Variants in SYCE1 observed in about 807,000 individuals in gnomAD.
SYCE1 encodes the protein cancer/testis antigen 76.
Under a neutral mutation model 55.1 loss-of-function variants are expected in SYCE1, and 37 were observed. That is an observed-to-expected ratio of 0.67 (90% CI 0.52 to 0.88). SYCE1 has a LOEUF of 0.88. SYCE1 is among the 40% of genes least tolerant of loss of function. The probability of loss-of-function intolerance (pLI) is 0.00; values close to 1 mark genes in which losing one functional copy is unlikely to be tolerated. For missense variants in SYCE1, 399 were observed against 416.4 expected (o/e 0.96, Z 0.36); for synonymous variants, 163 against 159.4 (o/e 1.02, Z -0.17).
chr10:133,562,884 A>G (rs1485333216), intron 1 of SYCE1, among the ~76,000 whole-genome samples: 1 of 152,224 alleles, frequency 6.6e-6, no homozygotes, highest in Non-Finnish European at 1.5e-5. Context: ...CTGTGATCCA[A>G]CCACCTCCCA....
At chr10:133,567,394 G>C (rs914358747), upstream of SYCE1, among the ~76,000 whole-genome samples, 1 of 151,696 alleles carries the variant, frequency 6.6e-6, no homozygotes, top group Middle Eastern at 3.4e-3. Context: ...TTTTGCGTTA[G>C]TGGTTAGGGT....
chr10:133,558,649 G>A (rs1003605501), intron 4 of SYCE1: 23 of 562,716 alleles, frequency 4.1e-5, no homozygotes, highest in African/African-American at 3.4e-4. Context: ...TGTATTATCT[G>A]AGGAAGCACA....
intron 1 of SYCE1, chr10:133,561,020 G>A (rs184713843): frequency 6.6e-6 from 1 of 152,094 alleles, no homozygotes; most frequent in Non-Finnish European, 1.5e-5. Flanking sequence ...TCATTGCTTT[G>A]AGTTGTCCCA....
chr10:133,567,285 G>T (rs997887748), upstream of SYCE1, among the ~76,000 whole-genome samples: 1 of 151,676 alleles, frequency 6.6e-6, no homozygotes, highest in South Asian at 2.1e-4. Flanking sequence ...AGGGCTTAGG[G>T]TTATGGGTTA....
chr10:133,563,070 G>A (rs961056565), intron 1 of SYCE1, among the ~76,000 whole-genome samples: 2 of 152,238 alleles, frequency 1.3e-5, no homozygotes, highest in African/African-American at 4.8e-5. Flanking sequence ...TTACACTGAT[G>A]TATACAAGAT....
upstream of SYCE1, chr10:133,567,925 C>T (rs539338725): frequency 6.5e-5 from 35 of 539,264 alleles, no homozygotes; most frequent in East Asian, 1.4e-3. Flanking sequence ...GATGGCGAGG[C>T]AGCATGGGCA....
upstream of SYCE1, chr10:133,567,894 G>A: frequency 2.0e-6 from 1 of 501,580 alleles, no homozygotes; most frequent in Non-Finnish European, 3.9e-6. Flanking sequence ...GGGAGGCTGA[G>A]GCGGCGTGGG....
chr10:133,554,273 G>C (rs781156564), downstream of SYCE1: 1 of 1,612,782 alleles, frequency 6.2e-7, no homozygotes, highest in East Asian at 2.2e-5. Context: ...ACAGTGCTCT[G>C]CAGTGAGCCT....
At chr10:133,566,450 G>A (rs181642385), upstream of SYCE1, among the ~76,000 whole-genome samples, 683 of 149,118 alleles carry the variant, frequency 4.6e-3, 7 homozygotes, top group Non-Finnish European at 3.8e-3. Flanking sequence ...TTAGGGTTTA[G>A]GGGTTAGAAG....
upstream of SYCE1, chr10:133,568,160 G>A (rs1336281335): frequency 6.4e-5 from 58 of 907,404 alleles, no homozygotes; most frequent in Admixed American, 3.6e-4. Flanking sequence ...CAGGCCGCCC[G>A]TGGGTCCAGC....
intron 6 of SYCE1, chr10:133,557,531 G>C (rs1589966391): frequency 1.2e-5 from 6 of 494,912 alleles, no homozygotes; most frequent in South Asian, 1.0e-4. Context: ...TGAATGGAGA[G>C]AGAATGGACA....
chr10:133,566,368 AAGGTTACCTT>A (rs545319221), upstream of SYCE1, among the ~76,000 whole-genome samples: 379 of 152,218 alleles, frequency 2.5e-3, no homozygotes, highest in Non-Finnish European at 4.2e-3. Flanking sequence ...TAACCTATAA[AAGGTTACCTT>A]AGGGTTTAGG....
At chr10:133,559,276 T>C (rs779516765) in intron 3 of SYCE1, 25 bp downstream of exon 3, 2 of 1,613,444 alleles carry the variant, frequency 1.2e-6, no homozygotes, top group Admixed American at 3.3e-5. Context: ...TGGTCCTAGC[T>C]GGCAGCCAAG....
chr10:133,568,215 G>T, upstream of SYCE1: 1 of 1,229,636 alleles, frequency 8.1e-7, no homozygotes, highest in Non-Finnish European at 1.2e-6. Flanking sequence ...AGCCGGTCCT[G>T]TTGCCTCCGG....
downstream of SYCE1, chr10:133,554,770 C>T (rs912411138): frequency 9.7e-6 from 14 of 1,436,634 alleles, no homozygotes; most frequent in African/African-American, 9.9e-5. Flanking sequence ...ACTGTGAGAG[C>T]GTCTCGGGCC....
chr10:133,560,848 T>C (rs557026347), intron 1 of SYCE1: 2 of 152,274 alleles, frequency 1.3e-5, no homozygotes, highest in South Asian at 2.1e-4. Flanking sequence ...TTTTGTAAAA[T>C]AAATATCTGA....
At chr10:133,554,177 A>G (rs1330331232), downstream of SYCE1, 1 of 920,396 alleles carries the variant, frequency 1.1e-6, no homozygotes, top group Non-Finnish European at 1.7e-6. Flanking sequence ...TAAGACAGGT[A>G]TGATTAACTG....
chr10:133,562,276 TG>T, intron 1 of SYCE1, among the ~76,000 whole-genome samples: 1 of 20,362 alleles, frequency 4.9e-5, no homozygotes, highest in South Asian at 4.3e-3. Flanking sequence ...TGTGTGTGTG[TG>T]TGTGTGTGTG....
At chr10:133,556,553 C>T in intron 8 of SYCE1, 1 of 620,684 alleles carries the variant, frequency 1.6e-6, no homozygotes, top group East Asian at 2.8e-5. Context: ...AAGACTTGAC[C>T]TTGGTCTCAT....
Sources: gnomAD v4.1 joint callset for allele counts (sites outside exome capture counted in the v4.1 genomes callset) on GRCh38, gnomAD v4.1.1 for gene constraint, MANE v1.5 for transcripts, NCBI Gene and HGNC (gene_info 2026-07-23, HGNC 2026-07-21) for gene names.